The following PGR variants were observed in gnomAD, a reference collection of about 807,000 sequenced individuals.
The protein encoded by PGR is nuclear receptor subfamily 3 group C member 3.
A neutral mutation model predicts 76.1 loss-of-function variants in PGR; 25 were observed. That is an observed-to-expected ratio of 0.33 (90% confidence interval 0.24 to 0.46). The LOEUF (loss-of-function observed/expected upper bound fraction) is 0.46. Ranked by LOEUF, PGR falls within the 20% of genes least tolerant of loss-of-function variation. PGR has a pLI of 1.00. For missense variants in PGR, 1,172 were observed against 1,225.3 expected (o/e 0.96, Z 0.65); for synonymous variants, 579 against 535.0 (o/e 1.08, Z -1.14).
rs11571219 is a variant in PGR at position 101,063,047 on chromosome 11, G to A, written c.1907-295C>T. 648 of 280,252 alleles carry A rather than the reference G, an allele frequency of 2.3e-3. 6 individuals carry two copies. Among genetic ancestry groups the A allele is most frequent in the African/African-American group, 0.013 (595 of 44,544 alleles). 17.4% of individuals were successfully genotyped at this position (280,252 alleles called of 1,614,324 possible). ...ACCAGTATTCTGCAGGGGTCATGGAGCTTTTTAGGAGAAGATATGAATAAA... is the reference window on the plus strand; with the variant it reads ...ACCAGTATTCTGCAGGGGTCATGGAACTTTTTAGGAGAAGATATGAATAAA... On this transcript the variant is annotated intron_variant, in intron 3 of 7. Transcript: ENST00000325455.
intron 2 of PGR, among the ~76,000 whole-genome samples, chr11:101,113,425 C>T (rs1479165386): frequency 4.5e-5 from 3 of 67,290 alleles, no homozygotes; most frequent in Non-Finnish European, 6.2e-5. Flanking sequence ...CCATGCCTGG[C>T]TATTTTTTTT....
At chr11:101,058,036 T>A (rs907703134) in intron 4 of PGR, among the ~76,000 whole-genome samples, 10 of 151,978 alleles carry the variant, frequency 6.6e-5, no homozygotes, top group African/African-American at 2.4e-4. Context: ...ATAGTGTGGG[T>A]GGAAGAACAA....
intron 4 of PGR, among the ~76,000 whole-genome samples, chr11:101,059,573 T>G (rs1299117959): frequency 1.3e-5 from 2 of 151,984 alleles, no homozygotes; most frequent in Admixed American, 6.6e-5. Context: ...GTGAGTCATG[T>G]TTGTAATTCC....
intron 6 of PGR, among the ~76,000 whole-genome samples, chr11:101,046,268 G>A (rs1383547589): frequency 2.1e-5 from 3 of 141,330 alleles, no homozygotes; most frequent in Middle Eastern, 3.9e-3. Context: ...TGGGACTACA[G>A]GCACTTGCCA....
chr11:101,107,819 T>C (rs1384817823), intron 2 of PGR, among the ~76,000 whole-genome samples: 1 of 141,904 alleles, frequency 7.0e-6, no homozygotes, highest in Non-Finnish European at 1.5e-5. Flanking sequence ...TAAGATTCTG[T>C]TATAACTTTC....
chr11:101,054,350 A>G (rs935587039), intron 4 of PGR, among the ~76,000 whole-genome samples: 1 of 152,176 alleles, frequency 6.6e-6, no homozygotes, highest in Non-Finnish European at 1.5e-5. Flanking sequence ...TTTGGTATGC[A>G]AGTTTTATCA....
chr11:101,084,756 T>C (rs1432674958), intron 3 of PGR, among the ~76,000 whole-genome samples: 2 of 151,130 alleles, frequency 1.3e-5, no homozygotes, highest in African/African-American at 2.4e-5. Context: ...ATGACAACCA[T>C]AGGCTCAAAG....
intron 2 of PGR, among the ~76,000 whole-genome samples, chr11:101,120,831 C>G (rs2135501547): frequency 6.6e-6 from 1 of 152,238 alleles, no homozygotes; most frequent in South Asian, 2.1e-4. Flanking sequence ...AATTAAAGTA[C>G]AATGATTCAG....
At chr11:101,048,607 G>A (rs769998689) in intron 6 of PGR, among the ~76,000 whole-genome samples, 31 of 152,152 alleles carry the variant, frequency 2.0e-4, no homozygotes, top group East Asian at 3.9e-4. Flanking sequence ...TAAAAGATAC[G>A]AATGGGACAC....
Position 101,031,802 on chromosome 11 carries a change from C to T in PGR, c.*7314G>A. ...AGCCGAGCCCAGCCATGGATTCATACCATCAAATACCTATGAGTTAGGTGA... is the reference window on the plus strand; with the variant it reads ...AGCCGAGCCCAGCCATGGATTCATATCATCAAATACCTATGAGTTAGGTGA... On this transcript the variant is annotated 3_prime_UTR_variant, in exon 8 of 8. Coordinates refer to ENST00000325455, the MANE Select transcript of PGR (RefSeq NM_000926.4). The T allele has an allele frequency of 4.4e-6, 1 of 228,440 alleles. No homozygotes were observed. Among genetic ancestry groups the T allele is most frequent in the Non-Finnish European group, 8.7e-6 (1 of 115,080 alleles). 14.2% of individuals were successfully genotyped at this position (228,440 alleles called of 1,614,324 possible). A position where few individuals can be genotyped will look rare whatever the true frequency, so the allele number is the denominator to read the frequency against.
chr11:101,042,119 T>G lies in PGR; in HGVS notation c.2489-17A>C, dbSNP rs370551263. ...CCAAAGGAACTGTTAAGAAGACAAT[T>G]AAAAGTGGCAGTTGTGTATAAAAAG... On this transcript the variant is annotated splice_polypyrimidine_tract_variant and intron_variant, in intron 6 of 7. Transcript: ENST00000325455. 161 of 1,612,216 alleles carry G rather than the reference T, an allele frequency of 1.0e-4. No homozygotes were observed. Among genetic ancestry groups the G allele is most frequent in the Non-Finnish European group, 1.3e-4 (157 of 1,178,788 alleles).
intron 6 of PGR, among the ~76,000 whole-genome samples, chr11:101,043,577 T>C (rs1051321876): frequency 1.3e-5 from 2 of 152,180 alleles, no homozygotes; most frequent in African/African-American, 4.8e-5. Context: ...TCAATTTACT[T>C]TACCCAGATC....
chr11:101,078,773 A>C (rs1253341436), intron 3 of PGR, among the ~76,000 whole-genome samples: 3 of 152,228 alleles, frequency 2.0e-5, no homozygotes, highest in Non-Finnish European at 2.9e-5. Flanking sequence ...GACATGTCAA[A>C]ACATATTTAT....
At position 101,033,435 on chromosome 11, in the gene PGR, G is replaced by T. The variant is rs867731290; in HGVS notation, c.*5681C>A. The T allele has an allele frequency of 2.4e-4, 46 of 190,862 alleles. No homozygotes were observed. The Middle Eastern group carries it at 5.7e-3, about 24-fold the overall frequency. The allele number at this position is 190,862 out of a possible 1,614,324, so 11.8% of individuals were successfully genotyped here. On this transcript the variant is annotated 3_prime_UTR_variant, in exon 8 of 8. Transcript: ENST00000325455. ...TAATATATTATGACCCCAAAGCTCT[G>T]GATCTTAACCTAGTTTAGGAAAGCT...
chr11:101,086,038 A>G (rs993484837), intron 3 of PGR, among the ~76,000 whole-genome samples: 1 of 152,200 alleles, frequency 6.6e-6, no homozygotes, highest in African/African-American at 2.4e-5. Context: ...AGCTGGTACC[A>G]ATTCTACTGA....
intron 2 of PGR, among the ~76,000 whole-genome samples, chr11:101,115,036 T>G (rs1472234276): frequency 1.3e-5 from 2 of 152,080 alleles, no homozygotes; most frequent in African/African-American, 2.4e-5. Context: ...CTAACTTTTT[T>G]GGGGGTGGGA....
At chr11:101,112,959 CAT>C (rs899309964) in intron 2 of PGR, among the ~76,000 whole-genome samples, 2 of 152,210 alleles carry the variant, frequency 1.3e-5, no homozygotes, top group African/African-American at 4.8e-5. Context: ...AAGTTCCTGA[CAT>C]ATGTGTTCAA....
rs1030414829 is a variant in PGR at position 101,032,194 on chromosome 11, T to C, written c.*6922A>G. On this transcript the variant is annotated 3_prime_UTR_variant, in exon 8 of 8. Transcript: ENST00000325455. ...CAGTCCTGTCAATGTTCCTATGTTATATCTTCCAAAACCCTTCTGGAAAAT... is the reference window on the plus strand; with the variant it reads ...CAGTCCTGTCAATGTTCCTATGTTACATCTTCCAAAACCCTTCTGGAAAAT... 4.3e-6 allele frequency: 1 copy of C among 232,860 alleles called. No homozygotes were observed. The highest frequency in any genetic ancestry group is 8.5e-6 in the Non-Finnish European group (1 of 117,884). 14.4% of individuals were successfully genotyped at this position (232,860 alleles called of 1,614,324 possible).
chr11:101,101,304 G>C lies in PGR; in HGVS notation c.1790-9428C>G, dbSNP rs73573607. On this transcript the variant is annotated intron_variant, in intron 2 of 7. Coordinates refer to ENST00000325455, the MANE Select transcript of PGR (RefSeq NM_000926.4). ...ATATGTAAGAAGAGAAAGAATGAAA[G>C]AAACAAGAGGAACTCACTGGAAACC... 6.0e-3 allele frequency among the ~76,000 whole-genome samples: 914 copies of C among 152,144 alleles called. 11 individuals are homozygous for C. The highest frequency in any genetic ancestry group is 0.021 in the African/African-American group (862 of 41,504).
Sources: allele counts gnomAD v4.1 joint callset (sites outside exome capture counted in the v4.1 genomes callset), GRCh38; gene constraint gnomAD v4.1.1; transcripts MANE v1.5; gene names NCBI Gene and HGNC (gene_info 2026-07-23, HGNC 2026-07-21).